TET3: variants seen among roughly 807,000 people sequenced by gnomAD.
TET3 encodes the protein tet methylcytosine dioxygenase 3.
A neutral mutation model predicts 141.4 loss-of-function variants in TET3; 19 were observed. That is an observed-to-expected ratio of 0.13 (90% CI 0.09 to 0.20). TET3 has a LOEUF of 0.20. Among genes scored for constraint, TET3 ranks in the 10% least tolerant of loss-of-function variants. The pLI, the probability that TET3 is intolerant of heterozygous loss-of-function variation, is 1.00. For synonymous variants in TET3, 1,043 were observed against 980.9 expected (o/e 1.06, Z -1.18); for missense variants, 1,874 against 2,356.9 (o/e 0.80, Z 4.24).
chr2:74,027,599 T>A (rs1686445743), intron 3 of TET3, among the ~76,000 whole-genome samples: 1 of 152,188 alleles, frequency 6.6e-6, no homozygotes, highest in South Asian at 2.1e-4. Flanking sequence ...TCCATGCATT[T>A]CATATAAATG....
chr2:74,018,711 TA>T (rs1685866345), intron 3 of TET3, among the ~76,000 whole-genome samples: 1 of 151,874 alleles, frequency 6.6e-6, no homozygotes, highest in Non-Finnish European at 1.5e-5. Flanking sequence ...CCACCATTTT[TA>T]TATAATACTT....
downstream of TET3, among the ~76,000 whole-genome samples, chr2:74,110,745 C>G (rs1195010664): frequency 1.3e-5 from 2 of 152,186 alleles, no homozygotes; most frequent in African/African-American, 4.8e-5. Flanking sequence ...AAACCATCTT[C>G]CTGTATGTTT....
intron 4 of TET3, among the ~76,000 whole-genome samples, chr2:74,059,482 T>G (rs1688389610): frequency 6.6e-6 from 1 of 152,240 alleles, no homozygotes; most frequent in Non-Finnish European, 1.5e-5. Flanking sequence ...CTGGAACTCC[T>G]GACCTGAGGT....
intron 3 of TET3, among the ~76,000 whole-genome samples, chr2:74,043,804 TAGG>T (rs768733732): frequency 2.6e-5 from 4 of 152,098 alleles, no homozygotes; most frequent in Admixed American, 6.6e-5. Context: ...CCACCACACT[TAGG>T]AGCCCATGAT....
chr2:74,012,389 T>C (rs538269834), intron 3 of TET3, among the ~76,000 whole-genome samples: 1 of 152,384 alleles, frequency 6.6e-6, no homozygotes, highest in Admixed American at 6.5e-5. Context: ...CTTTCCTCTG[T>C]GTAATAACTA....
the TET3 span, among the ~76,000 whole-genome samples, chr2:74,113,230 C>A: frequency 6.6e-6 from 1 of 151,214 alleles, no homozygotes; most frequent in African/African-American, 2.4e-5. Context: ...ACTAAAAATA[C>A]AAAAAATTAG....
At position 73,985,971 on chromosome 2, in the gene TET3, C is replaced by T. The variant is rs1684006193; in HGVS notation, c.-424-9C>T. On this transcript the variant is annotated splice_polypyrimidine_tract_variant and intron_variant, in intron 1 of 11. Transcript: ENST00000409262. ...CGAGTGATGCGCTTCCCCTTTCTGT[C>T]TTTTTCAGGCAGCACTGCCTTCTCC... 1 of 158,418 alleles carries T rather than the reference C, an allele frequency of 6.3e-6. No homozygotes were observed. The highest frequency in any genetic ancestry group is 1.4e-5 in the Non-Finnish European group (1 of 72,576). The allele number at this position is 158,418 out of a possible 1,614,324, so 9.8% of individuals were successfully genotyped here.
At chr2:74,028,142 A>G (rs192094431) in intron 3 of TET3, among the ~76,000 whole-genome samples, 93 of 151,554 alleles carry the variant, frequency 6.1e-4, no homozygotes, top group Non-Finnish European at 9.7e-4. Context: ...TGCCACCACC[A>G]TGCCTGCCTA....
chr2:74,080,681 T>C, intron 6 of TET3, 90 bp downstream of exon 6: 3 of 502,814 alleles, frequency 6.0e-6, no homozygotes, highest in Non-Finnish European at 9.4e-6. Flanking sequence ...TTGCTGCATG[T>C]AGCTGAGCAG....
At chr2:74,109,549 C>G (rs1314591334), downstream of TET3, among the ~76,000 whole-genome samples, 1 of 152,194 alleles carries the variant, frequency 6.6e-6, no homozygotes, top group African/African-American at 2.4e-5. Context: ...CAAGTTGTTG[C>G]AATTATAAAT....
rs1460172338 is a variant in TET3, at chr2:74,048,113, T to G, written c.2196T>G (p.Ile732Met). 3 of 1,613,196 alleles carry G rather than the reference T, an allele frequency of 1.9e-6. No homozygotes were observed. Among genetic ancestry groups the G allele is most frequent in the Non-Finnish European group, 2.5e-6 (3 of 1,179,678 alleles). ...FGLPGPPSVPIQDPENQQTCL... is the reference protein window; with the variant it reads ...FGLPGPPSVPMQDPENQQTCL... Reference sequence around the variant, plus strand: ...TTCCCGGCCCCCCTTCTGTGCCCATTCAGGACCCCGAGAACCAGCAAACAT... The same window carrying G: ...TTCCCGGCCCCCCTTCTGTGCCCATGCAGGACCCCGAGAACCAGCAAACAT... Residue 732 changes from isoleucine (I) to methionine (M), a missense_variant, in exon 4 of 12, where the codon ATT becomes ATG. Physicochemically the swap from Ile to Met is conservative, Grantham distance 10. Around this residue, in one of 10 missense-constraint regions of TET3, gnomAD observed 484 missense variants for 462.2 expected, o/e 1.05. Coordinates refer to ENST00000409262, the MANE Select transcript of TET3 (RefSeq NM_001287491.2).
At chr2:73,992,725 C>T (rs1473071458) in intron 2 of TET3, among the ~76,000 whole-genome samples, 3 of 152,012 alleles carry the variant, frequency 2.0e-5, no homozygotes, top group African/African-American at 7.3e-5. Flanking sequence ...GGCCAAAAAA[C>T]CAGAGATGGG....
At chr2:74,056,382 T>C (rs1688214951) in intron 4 of TET3, among the ~76,000 whole-genome samples, 1 of 152,220 alleles carries the variant, frequency 6.6e-6, no homozygotes, top group African/African-American at 2.4e-5. Context: ...AGAGCAGAAA[T>C]GGAACAGAAC....
intron 3 of TET3, among the ~76,000 whole-genome samples, chr2:74,011,897 AAGGG>A (rs921350841): frequency 1.3e-5 from 2 of 151,936 alleles, no homozygotes; most frequent in African/African-American, 2.4e-5. Flanking sequence ...AAAAAAAAGA[AAGGG>A]AGCAAAAGAG....
chr2:74,108,474 C>A (rs553395070), downstream of TET3, among the ~76,000 whole-genome samples: 4 of 152,094 alleles, frequency 2.6e-5, no homozygotes, highest in Non-Finnish European at 5.9e-5. Context: ...TTTCTTTCCA[C>A]TGGGAGATAC....
At chr2:73,992,654 G>A (rs1180023011) in intron 2 of TET3, among the ~76,000 whole-genome samples, 1 of 151,970 alleles carries the variant, frequency 6.6e-6, no homozygotes, top group African/African-American at 2.4e-5. Context: ...TCGCTATTTT[G>A]CCCAGCCTGG....
chr2:74,066,693 A>G (rs962141516), intron 4 of TET3, among the ~76,000 whole-genome samples: 1 of 152,190 alleles, frequency 6.6e-6, no homozygotes, highest in African/African-American at 2.4e-5. Context: ...TTTGTGTTTT[A>G]GTGGCCTTCC....
intron 3 of TET3, among the ~76,000 whole-genome samples, chr2:74,004,662 C>T (rs538635816): frequency 2.0e-5 from 3 of 152,118 alleles, no homozygotes; most frequent in Admixed American, 6.5e-5. Context: ...TGGGATGAGG[C>T]GGTGGGAGGC....
In TET3 at chr2:74,104,180, GTAAATAGTAGCCGAATATT is replaced by G. The variant is rs1572911972; in HGVS notation, c.*2008_*2026del. The G allele has an allele frequency of 6.6e-6, 1 of 152,226 alleles. No individual in the cohort carries two copies. Among genetic ancestry groups the G allele is most frequent in the African/African-American group, 2.4e-5 (1 of 41,416 alleles). The allele number at this position is 152,226 out of a possible 1,614,324, so 9.4% of individuals were successfully genotyped here. A position where few individuals can be genotyped will look rare whatever the true frequency, so the allele number is the denominator to read the frequency against. On this transcript the variant is annotated 3_prime_UTR_variant, in exon 12 of 12. Coordinates refer to ENST00000409262, the MANE Select transcript of TET3 (RefSeq NM_001287491.2). ...TTAACATGTAATTGTGGGAGAAATTGTAAATAGTAGCCGAATATTTAATGTGCTTTGTCTATCCTCCACT... is the reference window on the plus strand; with the variant it reads ...TTAACATGTAATTGTGGGAGAAATTGTAATGTGCTTTGTCTATCCTCCACT...
Sources: gnomAD v4.1 joint callset for allele counts (sites outside exome capture counted in the v4.1 genomes callset) on GRCh38, gnomAD v4.1.1 for gene constraint, gnomAD v4.1.1 regional missense constraint, MANE v1.5 for transcripts, NCBI Gene and HGNC (gene_info 2026-07-23, HGNC 2026-07-21) for gene names.